The following NUP155 variants were observed in gnomAD, a reference collection of about 807,000 sequenced individuals.
The protein encoded by NUP155 is nuclear pore complex protein Nup155.
NUP155 carries 71 observed loss-of-function variants against 180.4 expected under a neutral mutation model. The ratio of observed to expected loss-of-function variants is 0.39; its 90% CI spans 0.33 to 0.48. The LOEUF is 0.48. Among genes scored for constraint, NUP155 ranks in the 20% least tolerant of loss-of-function variants. The pLI, the probability that NUP155 is intolerant of heterozygous loss-of-function variation, is 0.91. For missense variants in NUP155, 1,553 were observed against 1,648.9 expected (o/e 0.94, Z 1.01); for synonymous variants, 582 against 559.5 (o/e 1.04, Z -0.57).
rs768431722 is a variant in NUP155 at position 37,294,330 on chromosome 5, C to T, written c.3929G>A (p.Arg1310Gln). The T allele has an allele frequency of 8.9e-6, 14 of 1,564,264 alleles. No homozygotes were observed. The highest frequency in any genetic ancestry group is 2.3e-5 in the South Asian group (2 of 88,188). ...LEVYDQLFKS[R>Q]DPFWNRMKKP... The stretch of plus-strand genomic sequence containing the variant: ...TATGTTATTTAATATTTTCCTTACC[C>T]GTGATTTGAACAACTGATCATAAAC... The change falls in exon 33 of 35, where the codon CGG (arginine) becomes CAG (glutamine). Residue 1310 changes from arginine (R) to glutamine (Q), a missense_variant and splice_region_variant. Arg to Gln is a conservative substitution (Grantham distance 43). Transcript: ENST00000231498.
chr5:37,321,865 T>A (rs879908101), intron 20 of NUP155, among the ~76,000 whole-genome samples: 2 of 151,972 alleles, frequency 1.3e-5, no homozygotes, highest in Admixed American at 1.3e-4. Flanking sequence ...TTTATGATAT[T>A]TTTTTTTGAG....
At chr5:37,353,075 C>G (rs1746572180) in intron 4 of NUP155, among the ~76,000 whole-genome samples, 2 of 151,770 alleles carry the variant, frequency 1.3e-5, no homozygotes, top group African/African-American at 4.9e-5. Context: ...CCTTAGAAAA[C>G]AATCACTTCA....
chr5:37,303,939 C>T lies in NUP155; in HGVS notation c.3163-525G>A, dbSNP rs116141242. ...TTCAGCCTAAGCTACAGATTGAGAC[C>T]CTGCCTCAAAAAAGAAAAGGAAATT... On this transcript the variant is annotated intron_variant, in intron 27 of 34. Coordinates refer to ENST00000231498, the MANE Select transcript of NUP155 (RefSeq NM_153485.3). 5.7e-3 allele frequency among the ~76,000 whole-genome samples: 867 copies of T among 150,944 alleles called. 10 individuals carry two copies. Among genetic ancestry groups the T allele is most frequent in the African/African-American group, 0.02 (823 of 41,120 alleles).
At chr5:37,336,085 CACTAT>C (rs1366680914) in intron 12 of NUP155, among the ~76,000 whole-genome samples, 6 of 152,112 alleles carry the variant, frequency 3.9e-5, no homozygotes, top group African/African-American at 1.4e-4. Flanking sequence ...AAAGCTCATA[CACTAT>C]ACTTGATGAG....
At chr5:37,344,252 A>G (rs972952005) in intron 9 of NUP155, among the ~76,000 whole-genome samples, 1 of 151,642 alleles carries the variant, frequency 6.6e-6, no homozygotes, top group African/African-American at 2.4e-5. Context: ...CTGAGGCACG[A>G]GAATCACTGG....
chr5:37,362,287 T>C (rs1022770556), intron 3 of NUP155, among the ~76,000 whole-genome samples: 1 of 151,992 alleles, frequency 6.6e-6, no homozygotes, highest in African/African-American at 2.4e-5. Context: ...AAAATTTCAT[T>C]AGTGTTTTTT....
At chr5:37,321,738 A>G (rs1178415565) in intron 20 of NUP155, among the ~76,000 whole-genome samples, 1 of 152,170 alleles carries the variant, frequency 6.6e-6, no homozygotes, top group Non-Finnish European at 1.5e-5. Context: ...GGGAATATAT[A>G]TATATATGTA....
chr5:37,336,647 T>C (rs1400015311), intron 12 of NUP155, among the ~76,000 whole-genome samples: 1 of 152,150 alleles, frequency 6.6e-6, no homozygotes, highest in African/African-American at 2.4e-5. Flanking sequence ...ACAGGGTTTA[T>C]ATCTTATTAA....
At chr5:37,365,242 G>C (rs1457467360) in intron 1 of NUP155, among the ~76,000 whole-genome samples, 1 of 150,150 alleles carries the variant, frequency 6.7e-6, no homozygotes, top group Non-Finnish European at 1.5e-5. Context: ...CTGAGCGACA[G>C]GGCAAGACTC....
chr5:37,312,429 C>T (rs1743587002), intron 22 of NUP155, among the ~76,000 whole-genome samples: 1 of 150,150 alleles, frequency 6.7e-6, no homozygotes. Context: ...GGATGGATGA[C>T]TGGATTTCTA....
chr5:37,334,663 C>A (rs1334682794), intron 12 of NUP155, among the ~76,000 whole-genome samples: 4 of 152,074 alleles, frequency 2.6e-5, no homozygotes, highest in African/African-American at 2.4e-5. Flanking sequence ...GGATTACAGG[C>A]GTGAGCCACC....
intron 1 of NUP155, among the ~76,000 whole-genome samples, chr5:37,366,723 C>T (rs1445220862): frequency 6.7e-6 from 1 of 150,322 alleles, no homozygotes; most frequent in East Asian, 1.9e-4. Flanking sequence ...CTGATCTCAG[C>T]TCACTGCAAG....
Position 37,351,244 on chromosome 5 carries a change from A to G in NUP155, c.669T>C (p.Asn223=), listed in dbSNP as rs1185981511. Residue 223 remains asparagine, a synonymous_variant, in exon 6 of 35, where the codon AAT becomes AAC. Transcript: ENST00000231498. ...TYLLTITSTD[N]GRIFLAGKDG... Reference sequence around the variant, plus strand: ...CCTTTCCAGCCAAGAAAATTCTGCCATTATCAGTGGAAGTTATTGTTAAAA... The same window carrying G: ...CCTTTCCAGCCAAGAAAATTCTGCCGTTATCAGTGGAAGTTATTGTTAAAA... 6.2e-7 allele frequency: 1 copy of G among 1,613,912 alleles called. No individual in the cohort carries two copies.
chr5:37,327,340 C>T, intron 18 of NUP155: 1 of 391,278 alleles, frequency 2.6e-6, no homozygotes, highest in Admixed American at 4.0e-5. Context: ...TTTTTGACTA[C>T]ATGAAGGTTG....
At chr5:37,329,521 A>G (rs900573178) in intron 15 of NUP155, among the ~76,000 whole-genome samples, 11 of 152,248 alleles carry the variant, frequency 7.2e-5, no homozygotes, top group Non-Finnish European at 1.6e-4. Context: ...TAAGAAAAAG[A>G]TATGCAATGC....
intron 11 of NUP155, 32 bp from the exon 12 acceptor site, chr5:37,337,950 T>G (rs747339605): frequency 2.4e-6 from 3 of 1,243,502 alleles, no homozygotes; most frequent in Admixed American, 1.7e-5. Context: ...TATTATTACA[T>G]CATGTCAAAT....
intron 12 of NUP155, among the ~76,000 whole-genome samples, chr5:37,334,346 GC>G (rs1180267729): frequency 6.6e-6 from 1 of 151,500 alleles, no homozygotes; most frequent in Admixed American, 6.6e-5. Context: ...CATGCAGTCT[GC>G]CCATCTTGGC....
chr5:37,290,491 A>AAAAAG lies in NUP155; in HGVS notation c.*1408_*1409insCTTTT, dbSNP rs1554123300. 2 of 151,934 alleles carry AAAAAG rather than the reference A, an allele frequency of 1.3e-5. No homozygotes were observed. The highest frequency in any genetic ancestry group is 4.8e-5 in the African/African-American group (2 of 41,344). 9.4% of individuals were successfully genotyped at this position (151,934 alleles called of 1,614,324 possible). ...AGATTCTGTCTCCAAAAAAAAAAAA[A>AAAAAG]AGAGAGAAAGGAATAGAGTGTTTTG... On this transcript the variant is annotated 3_prime_UTR_variant, in exon 35 of 35. Transcript: ENST00000231498.
intron 13 of NUP155, 131 bp from the exon 14 acceptor site, chr5:37,331,926 G>A (rs1744990159): frequency 1.5e-6 from 1 of 670,260 alleles, no homozygotes; most frequent in African/African-American, 1.8e-5. Flanking sequence ...AGTAGGCTGG[G>A]TATGGTGGCC....
Sources: gnomAD v4.1 joint callset for allele counts (sites outside exome capture counted in the v4.1 genomes callset) on GRCh38, gnomAD v4.1.1 for gene constraint, MANE v1.5 for transcripts, NCBI Gene and HGNC (gene_info 2026-07-23, HGNC 2026-07-21) for gene names.